Variants in SLC44A3 observed in about 807,000 individuals in gnomAD.
SLC44A3 encodes choline transporter-like protein 3.
In SLC44A3, 74 loss-of-function variants were observed where a neutral mutation model predicts 75.4. The observed-to-expected ratio is 0.98, with a 90% CI of 0.81 to 1.19. The LOEUF (loss-of-function observed/expected upper bound fraction) is 1.19. Among genes scored for constraint, SLC44A3 ranks in the 50% most tolerant of loss-of-function variants. SLC44A3 has a pLI of 0.00. For synonymous variants in SLC44A3, 310 were observed against 296.9 expected (o/e 1.04, Z -0.45); for missense variants, 700 against 778.6 (o/e 0.90, Z 1.20).
intron 9 of SLC44A3, among the ~76,000 whole-genome samples, chr1:94,847,949 C>G (rs1198239988): frequency 2.0e-5 from 3 of 152,126 alleles, no homozygotes; most frequent in Admixed American, 2.0e-4. Flanking sequence ...CCTCTTTAGG[C>G]CGGGTGCAGT....
At chr1:94,856,714 G>T (rs1377958829) in intron 9 of SLC44A3, among the ~76,000 whole-genome samples, 1 of 152,022 alleles carries the variant, frequency 6.6e-6, no homozygotes, top group East Asian at 1.9e-4. Flanking sequence ...CTTTACAAAA[G>T]TTACTTGCCT....
Position 94,828,483 on chromosome 1 carries a change from C to A in SLC44A3, c.416-10C>A. 6.2e-7 allele frequency: 1 copy of A among 1,611,334 alleles called. No individual in the cohort carries two copies. The highest frequency in any genetic ancestry group is 8.5e-7 in the Non-Finnish European group (1 of 1,178,268). ...AAAGAAGGTATAATGTCTGTGTGTT[C>A]TGCTTCCAGGGTCCTTCCTGTGTGT... is the stretch of plus-strand genomic sequence containing the variant. On this transcript the variant is annotated splice_polypyrimidine_tract_variant and intron_variant, in intron 4 of 14. Coordinates refer to ENST00000271227, the MANE Select transcript of SLC44A3 (RefSeq NM_001114106.3).
At position 94,820,461 on chromosome 1, in the gene SLC44A3, C is replaced by T; in HGVS notation, c.10C>T (p.Leu4=). 1.3e-6 allele frequency: 2 copies of T among 1,494,644 alleles called. No individual in the cohort carries two copies. Among genetic ancestry groups the T allele is most frequent in the Non-Finnish European group, 1.8e-6 (2 of 1,126,134 alleles). The allele number at this position is 1,494,644 out of a possible 1,614,324, so 92.6% of individuals were successfully genotyped here. A position where few individuals can be genotyped will look rare whatever the true frequency, so the allele number is the denominator to read the frequency against. Residue 4 remains leucine (L), a synonymous_variant, in exon 1 of 15, where the codon CTG becomes TTG. Transcript: ENST00000271227. The part of the protein sequence containing the change: MHC[L]GAEYLVSAEG... The stretch of plus-strand genomic sequence containing the variant: ...CGCCGGCGAGCGCACGATGCACTGC[C>T]TGGGCGCCGAGTACCTGGTAAGCGC...
chr1:94,844,577 G>A (rs1000671323), intron 8 of SLC44A3, among the ~76,000 whole-genome samples: 5 of 152,210 alleles, frequency 3.3e-5, no homozygotes, highest in Non-Finnish European at 5.9e-5. Flanking sequence ...ATGCTATGCT[G>A]AAGTCAAGCA....
chr1:94,845,547 G>C, intron 9 of SLC44A3, 83 bp downstream of exon 9: 1 of 1,339,408 alleles, frequency 7.5e-7, no homozygotes, highest in Non-Finnish European at 1.0e-6. Context: ...GTTTCTGTAG[G>C]CACCTAACCC....
chr1:94,881,424 G>T (rs533611524), intron 12 of SLC44A3, among the ~76,000 whole-genome samples: 3 of 152,194 alleles, frequency 2.0e-5, no homozygotes, highest in Non-Finnish European at 4.4e-5. Flanking sequence ...GAACCAATCG[G>T]CCAGGCGCGG....
intron 12 of SLC44A3, among the ~76,000 whole-genome samples, chr1:94,885,224 C>CAAAAAAAAAAAAAAAAAAAAAAAAAAAA (rs60440950): frequency 1.2e-5 from 1 of 82,848 alleles, no homozygotes; most frequent in African/African-American, 4.8e-5. Context: ...GACTCCCTCT[C>CAAAAAAAAAAAAAAAAAAAAAAAAAAAA]AAAAAAAAAA....
chr1:94,881,225 G>A (rs556104164), intron 12 of SLC44A3, among the ~76,000 whole-genome samples: 161 of 152,306 alleles, frequency 1.1e-3, no homozygotes, highest in Non-Finnish European at 1.4e-3. Context: ...TGGCAGGGCA[G>A]CTCTGGCTTC....
At chr1:94,848,228 C>A (rs1220601694) in intron 9 of SLC44A3, among the ~76,000 whole-genome samples, 117 of 138,992 alleles carry the variant, frequency 8.4e-4, no homozygotes, top group Middle Eastern at 3.8e-3. Context: ...GACTCTGTCT[C>A]AAAAAAAAAA....
chr1:94,864,100 C>G (rs549117219), intron 10 of SLC44A3, among the ~76,000 whole-genome samples: 39 of 152,172 alleles, frequency 2.6e-4, no homozygotes, highest in African/African-American at 9.2e-4. Flanking sequence ...TTCTTTCTCA[C>G]TTTTTTTTCC....
At chr1:94,831,519 T>TA (rs1342081927) in intron 5 of SLC44A3, among the ~76,000 whole-genome samples, 2 of 152,200 alleles carry the variant, frequency 1.3e-5, no homozygotes, top group African/African-American at 4.8e-5. Context: ...AATGGCTAAA[T>TA]ATCAAGGAAT....
intron 1 of SLC44A3, 31 bp downstream of exon 1, chr1:94,820,509 A>G (rs2100869210): frequency 1.3e-6 from 2 of 1,485,458 alleles, no homozygotes; most frequent in Non-Finnish European, 1.8e-6. Flanking sequence ...CCCTCGGGGG[A>G]GGAGCCCCGG....
At chr1:94,860,720 G>A (rs1256512090) in intron 10 of SLC44A3, among the ~76,000 whole-genome samples, 1 of 152,168 alleles carries the variant, frequency 6.6e-6, no homozygotes, top group African/African-American at 2.4e-5. Context: ...ACCAGTCAAG[G>A]GTAAAGAAGA....
chr1:94,893,605 A>G (rs902275808), intron 14 of SLC44A3, among the ~76,000 whole-genome samples: 4 of 151,818 alleles, frequency 2.6e-5, no homozygotes, highest in African/African-American at 7.3e-5. Context: ...TGAACTCCTG[A>G]CCTCAGGTGA....
In SLC44A3 at chr1:94,821,053, T is replaced by C. The variant is rs1182974724; in HGVS notation, c.132T>C (p.Gly44=). The C allele has an allele frequency of 1.3e-6, 2 of 1,550,550 alleles. No individual in the cohort carries two copies. The highest frequency in any genetic ancestry group is 2.0e-5 in the Admixed American group (1 of 50,980). The stretch of plus-strand genomic sequence containing the variant: ...TCCTGTTCTTTCTCTTTTGGACTGG[T>C]TTGGTAAGTGTGGGTGCTTGGTAGG... ...WLFLFFLFWT[G]LVFIMGYSVV... The change falls in exon 2 of 15, where the codon GGT becomes GGC. Residue 44 remains glycine (G), a synonymous_variant. Transcript: ENST00000271227.
At chr1:94,848,339 G>A (rs1329419598) in intron 9 of SLC44A3, among the ~76,000 whole-genome samples, 1 of 152,230 alleles carries the variant, frequency 6.6e-6, no homozygotes, top group Non-Finnish European at 1.5e-5. Flanking sequence ...TCTGGGGCTG[G>A]AGGTTGACAG....
chr1:94,869,249 A>G (rs1667499157), intron 12 of SLC44A3, among the ~76,000 whole-genome samples: 1 of 152,272 alleles, frequency 6.6e-6, no homozygotes, highest in African/African-American at 2.4e-5. Context: ...AATGTTTCCA[A>G]ACTCATAAGT....
At chr1:94,880,265 C>G (rs1668801830) in intron 12 of SLC44A3, among the ~76,000 whole-genome samples, 1 of 152,224 alleles carries the variant, frequency 6.6e-6, no homozygotes, top group Non-Finnish European at 1.5e-5. Flanking sequence ...GAGGTGGAAG[C>G]AGCCCAAGTG....
At chr1:94,894,198 G>A (rs1427179550) in intron 14 of SLC44A3, among the ~76,000 whole-genome samples, 1 of 152,076 alleles carries the variant, frequency 6.6e-6, no homozygotes, top group Non-Finnish European at 1.5e-5. Context: ...GAAATTTAAG[G>A]CCAAGAACTT....
Sources: gnomAD v4.1 joint callset for allele counts (sites outside exome capture counted in the v4.1 genomes callset) on GRCh38, gnomAD v4.1.1 for gene constraint, MANE v1.5 for transcripts, NCBI Gene and HGNC (gene_info 2026-07-23, HGNC 2026-07-21) for gene names.